LAMA4: variants seen among roughly 807,000 people sequenced by gnomAD.
LAMA4 encodes the protein laminin subunit alpha 4.
A neutral mutation model predicts 207.1 loss-of-function variants in LAMA4; 127 were observed. The observed-to-expected ratio is 0.61, with a 90% CI of 0.53 to 0.71. LAMA4 has a LOEUF of 0.71. Ranked by LOEUF, LAMA4 falls within the 30% of genes least tolerant of loss-of-function variation. LAMA4 has a pLI of 0.00. For synonymous variants in LAMA4, 761 were observed against 816.0 expected (o/e 0.93, Z 1.15); for missense variants, 2,093 against 2,246.5 (o/e 0.93, Z 1.38).
intron 38 of LAMA4, among the ~76,000 whole-genome samples, chr6:112,112,251 C>T (rs1405323418): frequency 2.6e-5 from 4 of 152,096 alleles, no homozygotes; most frequent in Admixed American, 2.0e-4. Flanking sequence ...GAAGTTGTTT[C>T]TTAACAAAGG....
intron 14 of LAMA4, 33 bp downstream of exon 14, chr6:112,158,699 T>A: frequency 6.3e-7 from 1 of 1,580,168 alleles, no homozygotes; most frequent in Non-Finnish European, 8.7e-7. Flanking sequence ...TCACCCCATG[T>A]AGATATTTGC....
intron 2 of LAMA4, among the ~76,000 whole-genome samples, chr6:112,251,081 C>G (rs782633250): frequency 6.6e-6 from 1 of 152,182 alleles, no homozygotes; most frequent in Admixed American, 6.5e-5. Context: ...ATAAAGGACT[C>G]AGTAGATTAA....
chr6:112,233,057 A>T (rs1489052979), intron 2 of LAMA4, among the ~76,000 whole-genome samples: 1 of 152,198 alleles, frequency 6.6e-6, no homozygotes, highest in Non-Finnish European at 1.5e-5. Context: ...TTCCATATAC[A>T]GTGGGAAAGA....
At chr6:112,180,608 C>T (rs797030486) in intron 9 of LAMA4, among the ~76,000 whole-genome samples, 10 of 152,280 alleles carry the variant, frequency 6.6e-5, no homozygotes, top group African/African-American at 2.4e-4. Context: ...ACAGAAAATT[C>T]TTCTTGTACA....
chr6:112,163,504 G>A (rs1002128080), intron 13 of LAMA4, among the ~76,000 whole-genome samples: 4 of 152,098 alleles, frequency 2.6e-5, no homozygotes, highest in African/African-American at 9.7e-5. Context: ...GAGCAGCCAG[G>A]ACAAGGGCGC....
chr6:112,119,318 G>T lies in LAMA4; in HGVS notation c.4666-7C>A. On this transcript the variant is annotated splice_region_variant and splice_polypyrimidine_tract_variant and intron_variant, in intron 33 of 38. Transcript: ENST00000230538. Reference sequence around the variant, plus strand: ...TTTCTCGAATAAATATCACCTGGATGAAGAGAAGGACAATAGCACATCTCA... The same window carrying T: ...TTTCTCGAATAAATATCACCTGGATTAAGAGAAGGACAATAGCACATCTCA... 6.2e-7 allele frequency: 1 copy of T among 1,613,308 alleles called. No individual in the cohort carries two copies. Among genetic ancestry groups the T allele is most frequent in the Non-Finnish European group, 8.5e-7 (1 of 1,179,718 alleles).
At chr6:112,128,635 T>C (rs1274949478) in intron 31 of LAMA4, among the ~76,000 whole-genome samples, 1 of 152,212 alleles carries the variant, frequency 6.6e-6, no homozygotes, top group Non-Finnish European at 1.5e-5. Context: ...AGACATGCTA[T>C]CACTCTGATT....
At position 112,108,228 on chromosome 6, in the gene LAMA4, G is replaced by A. The variant is rs587713303; in HGVS notation, c.*1209C>T. 6.6e-6 allele frequency among the ~76,000 whole-genome samples: 1 copy of A among 151,780 alleles called. No individual in the cohort carries two copies. The highest frequency in any genetic ancestry group is 2.1e-4 in the South Asian group (1 of 4,790). On this transcript the variant is annotated 3_prime_UTR_variant, in exon 39 of 39. Transcript: ENST00000230538. Reference sequence around the variant, plus strand: ...GTATTGTTAATTCTGTTGATATCAGGGCCTATTTTCTCTTTTTCTGTCTTC... The same window carrying A: ...GTATTGTTAATTCTGTTGATATCAGAGCCTATTTTCTCTTTTTCTGTCTTC...
intron 16 of LAMA4, among the ~76,000 whole-genome samples, chr6:112,151,423 A>C (rs1780395538): frequency 6.6e-6 from 1 of 152,176 alleles, no homozygotes; most frequent in Admixed American, 6.5e-5. Context: ...TATTCAGTTC[A>C]GGTACTTTAA....
In LAMA4 at chr6:112,115,902, G is replaced by A; in HGVS notation, c.5073C>T (p.Val1691=). The A allele has an allele frequency of 6.2e-7, 1 of 1,613,490 alleles. No homozygotes were observed. The highest frequency in any genetic ancestry group is 1.3e-5 in the African/African-American group (1 of 74,974). Residue 1691 remains valine (V), a synonymous_variant, in exon 36 of 39, where the codon GTC becomes GTT. Coordinates refer to ENST00000230538, the MANE Select transcript of LAMA4 (RefSeq NM_001105206.3). Reference sequence around the variant, plus strand: ...TGTGAACATTTAGGTACTCCCCATTGACACTGTGGCCGTGGACCAGGGTTC... The same window carrying A: ...TGTGAACATTTAGGTACTCCCCATTAACACTGTGGCCGTGGACCAGGGTTC... ...SSGTLVHGHS[V]NGEYLNVHMK...
At chr6:112,185,173 G>T in intron 9 of LAMA4, 64 bp downstream of exon 9, 1 of 1,081,676 alleles carries the variant, frequency 9.2e-7, no homozygotes, top group Non-Finnish European at 1.4e-6. Flanking sequence ...TGACCAGCCA[G>T]CCTCACATCA....
chr6:112,247,952 A>G (rs1339698446), intron 2 of LAMA4, among the ~76,000 whole-genome samples: 1 of 152,220 alleles, frequency 6.6e-6, no homozygotes, highest in Non-Finnish European at 1.5e-5. Flanking sequence ...GTGAGCCTCA[A>G]AGACATTATG....
chr6:112,194,879 G>A (rs1352540461), intron 5 of LAMA4, among the ~76,000 whole-genome samples: 2 of 152,094 alleles, frequency 1.3e-5, no homozygotes, highest in African/African-American at 4.8e-5. Context: ...GTCTATTAAT[G>A]ACTTGATCCA....
chr6:112,131,234 A>G (rs1243993575), intron 28 of LAMA4, 133 bp from the exon 29 acceptor site: 5 of 792,214 alleles, frequency 6.3e-6, no homozygotes, highest in African/African-American at 5.1e-5. Context: ...AATAATTTCT[A>G]TAAATAACAA....
chr6:112,218,504 C>G (rs568588631), intron 2 of LAMA4: 1 of 152,282 alleles, frequency 6.6e-6, no homozygotes, highest in Non-Finnish European at 1.5e-5. Context: ...AAACTGGAGA[C>G]ATATATACTA....
At chr6:112,183,302 G>A (rs937688572) in intron 9 of LAMA4, among the ~76,000 whole-genome samples, 1 of 152,180 alleles carries the variant, frequency 6.6e-6, no homozygotes, top group African/African-American at 2.4e-5. Flanking sequence ...AAGTCATTAA[G>A]ACCAGCCCTG....
chr6:112,140,028 C>A, intron 22 of LAMA4, 143 bp from the exon 23 acceptor site: 1 of 805,414 alleles, frequency 1.2e-6, no homozygotes. Context: ...GTGTTTATGC[C>A]AAATCATTTA....
In LAMA4 at chr6:112,216,481, A is replaced by G. The variant is rs78871662; in HGVS notation, c.196-12T>C. On this transcript the variant is annotated splice_polypyrimidine_tract_variant and intron_variant, in intron 2 of 38. Transcript: ENST00000230538. ...CCAGCATTGCATTTCTGCAACAGACACACCAAACCATTTTGATTATTGAAA... is the reference window on the plus strand; with the variant it reads ...CCAGCATTGCATTTCTGCAACAGACGCACCAAACCATTTTGATTATTGAAA... 0.02 allele frequency: 30,736 copies of G among 1,553,406 alleles called. 389 individuals are homozygous for G. The highest frequency in any genetic ancestry group is 0.081 in the Middle Eastern group (486 of 5,966).
intron 32 of LAMA4, 124 bp downstream of exon 32, chr6:112,121,890 T>G (rs1778382622): frequency 2.5e-6 from 2 of 806,526 alleles, no homozygotes; most frequent in Admixed American, 3.8e-5. Context: ...TTTATTTTGG[T>G]GATAACATAA....
Sources: gnomAD v4.1 joint callset for allele counts (sites outside exome capture counted in the v4.1 genomes callset) on GRCh38, gnomAD v4.1.1 for gene constraint, MANE v1.5 for transcripts, NCBI Gene and HGNC (gene_info 2026-07-23, HGNC 2026-07-21) for gene names.